The following IL1RAPL1 variants were observed in gnomAD, a reference collection of about 807,000 sequenced individuals.
IL1RAPL1 encodes the protein interleukin 1 receptor accessory protein like 1, also known as interleukin-1 receptor accessory protein-like 1.
In IL1RAPL1, 3 loss-of-function variants were observed where a neutral mutation model predicts 48.4. The ratio of observed to expected loss-of-function variants is 0.06; its 90% CI spans 0.03 to 0.16. IL1RAPL1 has a LOEUF of 0.16. Among genes scored for constraint, IL1RAPL1 ranks in the 10% least tolerant of loss-of-function variants. The pLI is 1.00. For missense variants in IL1RAPL1, 349 were observed against 530.6 expected, an observed-to-expected ratio of 0.66 and a Z score of 3.36; for synonymous variants, 185 against 187.7, an observed-to-expected ratio of 0.99 and a Z score of 0.12.
rs1931362982 is a variant in IL1RAPL1 at position 29,239,229 on chromosome X, T to A, written c.83-43709T>A. Among the ~76,000 whole-genome samples, 4 of 112,263 alleles carry A rather than the reference T, an allele frequency of 3.6e-5. No individual in the cohort carries two copies. The Admixed American group carries it at 3.8e-4, about 11-fold the overall frequency. ...TCACTCAATACTAATCTATGTGGAA[T>A]TTATCTTGGGTAGTCTAATCTTTGT... is the stretch of plus-strand genomic sequence containing the variant. On this transcript the variant is annotated intron_variant, in intron 2 of 10. Transcript: ENST00000378993.
intron 9 of IL1RAPL1, among the ~76,000 whole-genome samples, chrX:29,942,959 C>T (rs1036616374): frequency 2.5e-4 from 27 of 109,671 alleles, no homozygotes; most frequent in Non-Finnish European, 3.8e-5. Context: ...CAGTGATTTT[C>T]AGTTTTGCAG....
Position 29,365,610 on chromosome X carries a change from G to C in IL1RAPL1, c.363-30648G>C, listed in dbSNP as rs911875050. On this transcript the variant is annotated intron_variant, in intron 3 of 10. Coordinates refer to ENST00000378993, the MANE Select transcript of IL1RAPL1 (RefSeq NM_014271.4). ...TGAAGTAAGAGGATCGCTTGAGCCC[G>C]GGAGGTCGAGGCTGCAGTGAGCCAA... Among the ~76,000 whole-genome samples, 4 of 111,179 alleles carry C rather than the reference G, an allele frequency of 3.6e-5. No individual in the cohort carries two copies. In the Admixed American group the frequency reaches 3.8e-4, roughly 11 times the overall value.
At chrX:29,055,756 ATTAAAT>A (rs775158260) in intron 2 of IL1RAPL1, among the ~76,000 whole-genome samples, 28 of 112,210 alleles carry the variant, frequency 2.5e-4, no homozygotes, top group African/African-American at 9.0e-4. Flanking sequence ...TGAAACATAC[ATTAAAT>A]TTAAAGATTC....
chrX:29,544,553 A>C (rs1921545266), intron 5 of IL1RAPL1, among the ~76,000 whole-genome samples: 1 of 112,134 alleles, frequency 8.9e-6, no homozygotes, highest in Admixed American at 9.5e-5. Context: ...ACTTTGGACA[A>C]TCACTTATTG....
At chrX:29,583,161 A>T (rs1316124792) in intron 5 of IL1RAPL1, among the ~76,000 whole-genome samples, 1 of 97,646 alleles carries the variant, frequency 1.0e-5, no homozygotes, top group Non-Finnish European at 2.0e-5. Context: ...CTGGCACAAG[A>T]CAGGGATGCC....
At chrX:28,917,559 CT>C (rs1374977633) in intron 2 of IL1RAPL1, among the ~76,000 whole-genome samples, 1 of 111,637 alleles carries the variant, frequency 9.0e-6, no homozygotes, top group East Asian at 2.8e-4. Context: ...TTCAGTGATT[CT>C]TAGTAGGGGA....
At chrX:28,949,747 G>A (rs907191258) in intron 2 of IL1RAPL1, among the ~76,000 whole-genome samples, 6 of 109,362 alleles carry the variant, frequency 5.5e-5, no homozygotes, top group Non-Finnish European at 1.1e-4. Context: ...CTTTTGAGAA[G>A]TGTCTGTTCA....
intron 2 of IL1RAPL1, among the ~76,000 whole-genome samples, chrX:28,954,414 CCT>C (rs1475923915): frequency 9.1e-6 from 1 of 109,526 alleles, no homozygotes; most frequent in Non-Finnish European, 1.9e-5. Flanking sequence ...TTTTTTTCTA[CCT>C]CTCAGCTTTT....
chrX:29,956,224 G>A lies in IL1RAPL1; in HGVS notation c.*404G>A, dbSNP rs774520556. The A allele has an allele frequency of 2.0e-5, 3 of 152,476 alleles. No homozygotes were observed. Among genetic ancestry groups the A allele is most frequent in the Non-Finnish European group, 3.6e-5 (3 of 82,239 alleles). The allele number at this position is 152,476 out of a possible 1,213,427, so 12.6% of individuals were successfully genotyped here. A position where few individuals can be genotyped will look rare whatever the true frequency, so the allele number is the denominator to read the frequency against. On this transcript the variant is annotated 3_prime_UTR_variant, in exon 11 of 11. Coordinates refer to ENST00000378993, the MANE Select transcript of IL1RAPL1 (RefSeq NM_014271.4). ...GGGTGCTTGGACAAATCTATCCGAT[G>A]GGACAAGGAGCACCGGATTCTTTCT...
At chrX:29,307,316 G>T (rs1455263164) in intron 3 of IL1RAPL1, among the ~76,000 whole-genome samples, 1 of 112,097 alleles carries the variant, frequency 8.9e-6, no homozygotes, top group Non-Finnish European at 1.9e-5. Context: ...TTATTTCACT[G>T]CATATTTTTT....
chrX:28,766,736 C>T (rs946505879), intron 1 of IL1RAPL1, among the ~76,000 whole-genome samples: 2 of 111,064 alleles, frequency 1.8e-5, no homozygotes, highest in Non-Finnish European at 3.8e-5. Flanking sequence ...CTCTCCATGT[C>T]CATGAGTTCA....
intron 3 of IL1RAPL1, among the ~76,000 whole-genome samples, chrX:29,365,438 G>A (rs1933438174): frequency 8.9e-6 from 1 of 112,929 alleles, no homozygotes; most frequent in Non-Finnish European, 1.9e-5. Context: ...GCTCACGCCT[G>A]TAATCCTAGC....
chrX:29,298,996 A>G (rs1932492183), intron 3 of IL1RAPL1, among the ~76,000 whole-genome samples: 2 of 108,697 alleles, frequency 1.8e-5, no homozygotes. Context: ...AGGCAGACCC[A>G]CCCTTAATCT....
At chrX:28,973,232 T>C (rs1191761013) in intron 2 of IL1RAPL1, among the ~76,000 whole-genome samples, 1 of 112,219 alleles carries the variant, frequency 8.9e-6, no homozygotes, top group East Asian at 2.8e-4. Context: ...TCTTACTTTG[T>C]TGTTTATGAC....
chrX:29,474,805 C>T (rs895072720), intron 5 of IL1RAPL1, among the ~76,000 whole-genome samples: 1 of 111,445 alleles, frequency 9.0e-6, no homozygotes, highest in Non-Finnish European at 1.9e-5. Flanking sequence ...GCCCCACCTC[C>T]AACACTGGGA....
rs1200679211 is a variant in IL1RAPL1, at chrX:29,766,342, A to AAAAATATATAT, written c.778+97839_778+97840insAAATATATATA. Among the ~76,000 whole-genome samples, 144 of 47,494 alleles carry AAAAATATATAT rather than the reference A, an allele frequency of 3.0e-3. 1 individual carries two copies. Among genetic ancestry groups the AAAAATATATAT allele is most frequent in the African/African-American group, 0.012 (137 of 11,038 alleles). The allele number at this position is 47,494 out of a possible 115,157, so 41.2% of individuals were successfully genotyped here. ...GACTCCGTCTCAAAAAAAAAAAAAA[A>AAAAATATATAT]ATATATATATATATATATATAGATA... is the stretch of plus-strand genomic sequence containing the variant. On this transcript the variant is annotated intron_variant, in intron 6 of 10. Coordinates refer to ENST00000378993, the MANE Select transcript of IL1RAPL1 (RefSeq NM_014271.4).
intron 5 of IL1RAPL1, among the ~76,000 whole-genome samples, chrX:29,541,723 G>GA (rs1422602257): frequency 9.0e-6 from 1 of 111,187 alleles, no homozygotes; most frequent in African/African-American, 3.3e-5. Flanking sequence ...TTGCAAGTGG[G>GA]AGCTAACCAT....
At chrX:28,869,654 G>A (rs1029419227) in intron 2 of IL1RAPL1, among the ~76,000 whole-genome samples, 1 of 111,807 alleles carries the variant, frequency 8.9e-6, no homozygotes, top group Admixed American at 9.5e-5. Flanking sequence ...TAAAGTGAAC[G>A]CCAATGGCAT....
chrX:29,633,468 TACACACACAC>T (rs200222696), intron 5 of IL1RAPL1, among the ~76,000 whole-genome samples: 8 of 97,755 alleles, frequency 8.2e-5, no homozygotes, highest in East Asian at 3.3e-4. Flanking sequence ...GATATATATA[TACACACACAC>T]ACACACACAC....
Sources: gnomAD v4.1 joint callset for allele counts (sites outside exome capture counted in the v4.1 genomes callset) on GRCh38, gnomAD v4.1.1 for gene constraint, MANE v1.5 for transcripts, NCBI Gene and HGNC (gene_info 2026-07-23, HGNC 2026-07-21) for gene names.